The following PCDH15 variants were observed in gnomAD, a reference collection of about 807,000 sequenced individuals.
The protein encoded by PCDH15 is protocadherin-15.
PCDH15 carries 129 observed loss-of-function variants against 178.5 expected under a neutral mutation model. The observed-to-expected ratio is 0.72, with a 90% CI of 0.63 to 0.84. The LOEUF is 0.84. Among genes scored for constraint, PCDH15 ranks in the 40% least tolerant of loss-of-function variants. The pLI, the probability that PCDH15 is intolerant of heterozygous loss-of-function variation, is 0.00. For synonymous variants in PCDH15, 800 were observed against 732.0 expected, an observed-to-expected ratio of 1.09 and a Z score of -1.50; for missense variants, 2,230 against 2,099.9, an observed-to-expected ratio of 1.06 and a Z score of -1.21.
chr10:55,324,810 A>G (rs1370711450), intron 2 of PCDH15, among the ~76,000 whole-genome samples: 1 of 152,212 alleles, frequency 6.6e-6, no homozygotes, highest in African/African-American at 2.4e-5. Flanking sequence ...ACAATTCTAT[A>G]AATAGAAAAT....
In PCDH15 at chr10:55,399,900, C is replaced by A. The variant is rs573622159; in HGVS notation, c.-156+227725G>T. ...ATAACCTATACAAACACATTCAAAACAAAGCCCCACATATTATTATTTTGG... is the reference window on the plus strand; with the variant it reads ...ATAACCTATACAAACACATTCAAAAAAAAGCCCCACATATTATTATTTTGG... On this transcript the variant is annotated intron_variant, in intron 2 of 5. Transcript: ENST00000613346. Among the ~76,000 whole-genome samples, 12 of 152,116 alleles carry A rather than the reference C, an allele frequency of 7.9e-5. No homozygotes were observed. The South Asian group carries it at 2.5e-3, about 32-fold the overall frequency.
chr10:54,344,787 A>T (rs1013950494), intron 6 of PCDH15, among the ~76,000 whole-genome samples: 1 of 150,652 alleles, frequency 6.6e-6, no homozygotes, highest in Non-Finnish European at 1.5e-5. Context: ...GCTACTTCCC[A>T]CTTCATTTCT....
intron 18 of PCDH15, among the ~76,000 whole-genome samples, chr10:54,054,203 G>T (rs893045814): frequency 2.0e-5 from 3 of 152,136 alleles, no homozygotes; most frequent in African/African-American, 4.8e-5. Flanking sequence ...TAAAGGAGTA[G>T]AAGGAAAATA....
intron 2 of PCDH15, among the ~76,000 whole-genome samples, chr10:54,603,205 T>C (rs1455935715): frequency 2.0e-5 from 3 of 151,970 alleles, no homozygotes; most frequent in Non-Finnish European, 4.4e-5. Flanking sequence ...GCTCTTTTTA[T>C]TTCTGAGACA....
rs188602134 is a variant in PCDH15 at position 53,947,009 on chromosome 10, C to T, written c.3123-6034G>A. Among the ~76,000 whole-genome samples, 1,090 of 152,212 alleles carry T rather than the reference C, an allele frequency of 7.2e-3. 12 individuals are homozygous for T. Among genetic ancestry groups the T allele is most frequent in the African/African-American group, 0.025 (1,030 of 41,510 alleles). On this transcript the variant is annotated intron_variant, in intron 23 of 37. Transcript: ENST00000644397. The stretch of plus-strand genomic sequence containing the variant: ...GCCAGGCTGGTCTTGAACTCCTGAC[C>T]TCATGATCCACCCATCTCGGCCTCT...
chr10:54,728,593 A>T (rs917778708), intron 1 of PCDH15, among the ~76,000 whole-genome samples: 2 of 151,410 alleles, frequency 1.3e-5, no homozygotes, highest in Non-Finnish European at 3.0e-5. Context: ...AAACAGAGGC[A>T]TAATGCAAGA....
At chr10:55,389,440 T>A (rs534095928) in intron 2 of PCDH15, among the ~76,000 whole-genome samples, 12 of 152,264 alleles carry the variant, frequency 7.9e-5, no homozygotes, top group Admixed American at 7.2e-4. Flanking sequence ...AACTTTTCCA[T>A]TTCTAATTTG....
Position 54,439,495 on chromosome 10 carries a change from C to A in PCDH15, c.158-60553G>T, listed in dbSNP as rs372956701. Among the ~76,000 whole-genome samples the A allele has an allele frequency of 6.6e-5, 10 of 151,998 alleles. No homozygotes were observed. In the South Asian group the frequency reaches 1.9e-3, roughly 28 times the overall value. On this transcript the variant is annotated intron_variant, in intron 3 of 37. Transcript: ENST00000644397. ...TCTGGTAGATTTTCATGTGGCCACA[C>A]TGAAAGATACTCCCAAATGTCTGAC... is the stretch of plus-strand genomic sequence containing the variant.
At chr10:55,130,719 G>A (rs398045791) in intron 2 of PCDH15, among the ~76,000 whole-genome samples, 2 of 96,434 alleles carry the variant, frequency 2.1e-5, no homozygotes, top group African/African-American at 3.8e-5. Context: ...GTGTGTGTGT[G>A]TGTGTGTATA....
chr10:54,879,009 C>T (rs1954207968), intron 3 of PCDH15, among the ~76,000 whole-genome samples: 7 of 152,114 alleles, frequency 4.6e-5, no homozygotes, highest in Admixed American at 4.6e-4. Flanking sequence ...TATAAAACTA[C>T]ATCCTAGCAT....
At chr10:54,581,230 A>G (rs1311319591) in intron 2 of PCDH15, among the ~76,000 whole-genome samples, 2 of 152,138 alleles carry the variant, frequency 1.3e-5, no homozygotes, top group Non-Finnish European at 2.9e-5. Context: ...AAATGGATAA[A>G]TGACTTCAGT....
intron 21 of PCDH15, among the ~76,000 whole-genome samples, chr10:53,962,106 T>G (rs1222092395): frequency 1.3e-5 from 2 of 152,178 alleles, no homozygotes; most frequent in Non-Finnish European, 2.9e-5. Context: ...CAGGTTATTT[T>G]AAAATGATTT....
intron 2 of PCDH15, among the ~76,000 whole-genome samples, chr10:54,988,167 G>A (rs1405530370): frequency 6.6e-6 from 1 of 152,124 alleles, no homozygotes; most frequent in Non-Finnish European, 1.5e-5. Flanking sequence ...AAGATCAGAT[G>A]GTTGCAAATG....
chr10:53,925,298 C>T (rs188768236), intron 25 of PCDH15, among the ~76,000 whole-genome samples: 5 of 151,884 alleles, frequency 3.3e-5, no homozygotes, highest in South Asian at 2.1e-4. Context: ...ATGGGAGGAA[C>T]GAATAACCCC....
At chr10:54,353,827 T>C (rs1175618591) in intron 5 of PCDH15, among the ~76,000 whole-genome samples, 2 of 152,128 alleles carry the variant, frequency 1.3e-5, no homozygotes, top group South Asian at 2.1e-4. Context: ...TTACTTTCTC[T>C]GAATAAATAA....
At chr10:54,956,752 TAAACATGCTGTTTGGTGGGAC>T (rs978039794) in intron 2 of PCDH15, among the ~76,000 whole-genome samples, 11 of 151,682 alleles carry the variant, frequency 7.3e-5, no homozygotes, top group African/African-American at 2.2e-4. Context: ...ATATATCATA[TAAACATGCTGTTTGGTGGGAC>T]AAAAATAGTT....
At chr10:54,435,517 T>G (rs1484163134) in intron 3 of PCDH15, among the ~76,000 whole-genome samples, 1 of 152,110 alleles carries the variant, frequency 6.6e-6, no homozygotes, top group Non-Finnish European at 1.5e-5. Flanking sequence ...AACAAATATC[T>G]GTGGAAAGAA....
intron 9 of PCDH15, among the ~76,000 whole-genome samples, chr10:54,217,235 A>C (rs941017349): frequency 6.6e-6 from 1 of 152,130 alleles, no homozygotes; most frequent in African/African-American, 2.4e-5. Context: ...TTCTCTAAAA[A>C]TAAAATAAAA....
At chr10:53,814,628 C>T (rs2075994619) in intron 35 of PCDH15, among the ~76,000 whole-genome samples, 1 of 151,946 alleles carries the variant, frequency 6.6e-6, no homozygotes, top group African/African-American at 2.4e-5. Context: ...GATGCTTCCA[C>T]CACCCATGAA....
Sources: allele counts gnomAD v4.1 joint callset (sites outside exome capture counted in the v4.1 genomes callset), GRCh38; gene constraint gnomAD v4.1.1; transcripts MANE v1.5; gene names NCBI Gene and HGNC (gene_info 2026-07-23, HGNC 2026-07-21).